DPY19L1: variants seen among roughly 807,000 people sequenced by gnomAD.
DPY19L1 encodes dpy-19 like C-mannosyltransferase 1.
In DPY19L1, 35 loss-of-function variants were observed where a neutral mutation model predicts 96.9. That is an observed-to-expected ratio of 0.36 (90% CI 0.28 to 0.48). The LOEUF (loss-of-function observed/expected upper bound fraction) is 0.48, where lower values mean the gene tolerates loss of function less well. Ranked by LOEUF, DPY19L1 falls within the 20% of genes least tolerant of loss-of-function variation. The pLI is 0.99. For synonymous variants in DPY19L1, 205 were observed against 252.6 expected (o/e 0.81, Z 1.79); for missense variants, 521 against 777.9 (o/e 0.67, Z 3.93).
upstream of DPY19L1, chr7:35,037,858 C>T (rs1456333043): frequency 4.9e-6 from 6 of 1,235,188 alleles, no homozygotes; most frequent in East Asian, 6.3e-5. Flanking sequence ...TGCGAGGACG[C>T]GGGGGCGGAC....
At chr7:35,000,059 C>A (rs13311593) in intron 6 of DPY19L1, among the ~76,000 whole-genome samples, 1 of 152,134 alleles carries the variant, frequency 6.6e-6, no homozygotes, top group Non-Finnish European at 1.5e-5. Context: ...CATGTATATA[C>A]AAAGCAGTGA....
intron 6 of DPY19L1, among the ~76,000 whole-genome samples, chr7:34,992,379 C>CA (rs1049746018): frequency 5.9e-5 from 9 of 151,770 alleles, no homozygotes; most frequent in African/African-American, 2.2e-4. Flanking sequence ...AAAAGCTGTC[C>CA]AAAAAAACAA....
chr7:34,982,585 G>A (rs971982783), intron 7 of DPY19L1, among the ~76,000 whole-genome samples: 3 of 152,224 alleles, frequency 2.0e-5, no homozygotes, highest in Non-Finnish European at 2.9e-5. Context: ...TATAGCCCAA[G>A]TGAAGATACA....
At chr7:34,955,404 T>G (rs1303971080) in intron 11 of DPY19L1, 37 bp from the exon 12 acceptor site, 7 of 1,594,990 alleles carry the variant, frequency 4.4e-6, no homozygotes, top group Non-Finnish European at 6.0e-6. Context: ...ACACAGTTAA[T>G]ACTTATAGAC....
At chr7:34,961,691 C>CAGGACAG (rs1422677221) in intron 10 of DPY19L1, among the ~76,000 whole-genome samples, 1 of 152,022 alleles carries the variant, frequency 6.6e-6, no homozygotes, top group Non-Finnish European at 1.5e-5. Context: ...AAAGACAGGA[C>CAGGACAG]AATGATTGAG....
At chr7:34,990,995 G>T (rs1479956041) in intron 6 of DPY19L1, among the ~76,000 whole-genome samples, 1 of 152,224 alleles carries the variant, frequency 6.6e-6, no homozygotes, top group East Asian at 1.9e-4. Context: ...GATAATCCAT[G>T]TAGGGAGTAT....
chr7:35,008,794 A>C (rs1785630598), intron 6 of DPY19L1, among the ~76,000 whole-genome samples: 1 of 152,172 alleles, frequency 6.6e-6, no homozygotes, highest in South Asian at 2.1e-4. Context: ...TGTAAAATCT[A>C]ATCTCCCAAA....
At chr7:34,943,430 A>G (rs1038862151) in intron 16 of DPY19L1, among the ~76,000 whole-genome samples, 3 of 152,228 alleles carry the variant, frequency 2.0e-5, no homozygotes, top group Admixed American at 6.5e-5. Context: ...TCACAGAGCT[A>G]GTAAGTGGCA....
intron 6 of DPY19L1, among the ~76,000 whole-genome samples, chr7:34,991,148 G>A (rs1785159028): frequency 2.0e-5 from 3 of 152,242 alleles, no homozygotes; most frequent in South Asian, 4.1e-4. Flanking sequence ...GCCACTCGCT[G>A]CCAGAGTGAA....
intron 1 of DPY19L1, among the ~76,000 whole-genome samples, chr7:35,029,347 A>G (rs329261): frequency 1.4e-4 from 22 of 152,372 alleles, no homozygotes; most frequent in African/African-American, 5.3e-4. Flanking sequence ...GAGCATGCAT[A>G]GGGAAGCTGT....
intron 7 of DPY19L1, among the ~76,000 whole-genome samples, chr7:34,985,333 C>T (rs1023345410): frequency 2.6e-5 from 4 of 151,966 alleles, no homozygotes; most frequent in African/African-American, 9.7e-5. Context: ...AATAGGATTG[C>T]GTCAAACTAA....
At chr7:34,988,664 C>CA (rs1289106459) in intron 7 of DPY19L1, among the ~76,000 whole-genome samples, 1 of 152,086 alleles carries the variant, frequency 6.6e-6, no homozygotes, top group African/African-American at 2.4e-5. Context: ...ATACAGCAGG[C>CA]ACTGAGTGTA....
intron 1 of DPY19L1, among the ~76,000 whole-genome samples, chr7:35,018,827 G>T (rs1430619236): frequency 6.6e-6 from 1 of 152,124 alleles, no homozygotes; most frequent in Non-Finnish European, 1.5e-5. Flanking sequence ...ATATATGAAG[G>T]CCTAATATCC....
intron 6 of DPY19L1, among the ~76,000 whole-genome samples, chr7:34,990,524 A>C (rs2128672333): frequency 6.6e-6 from 1 of 152,358 alleles, no homozygotes; most frequent in African/African-American, 2.4e-5. Flanking sequence ...CAATTTATAA[A>C]GTTTTATGTT....
intron 13 of DPY19L1, among the ~76,000 whole-genome samples, chr7:34,950,338 A>T (rs1220828776): frequency 1.3e-5 from 2 of 152,230 alleles, no homozygotes; most frequent in Non-Finnish European, 2.9e-5. Flanking sequence ...ACTTGAGTGA[A>T]GTAGAAATGG....
At chr7:35,031,296 T>C (rs1786254583) in intron 1 of DPY19L1, among the ~76,000 whole-genome samples, 1 of 152,196 alleles carries the variant, frequency 6.6e-6, no homozygotes, top group South Asian at 2.1e-4. Flanking sequence ...AATATATAAG[T>C]AACATTTACA....
Position 35,015,737 on chromosome 7 carries a change from C to T in DPY19L1, c.412-2032G>A, listed in dbSNP as rs556496780. Among the ~76,000 whole-genome samples the T allele has an allele frequency of 5.1e-4, 77 of 152,330 alleles. 1 individual carries two copies. The highest frequency in any genetic ancestry group is 1.8e-3 in the African/African-American group (75 of 41,584). ...GCCTGTGGAGCAGCCACCCTTTCAT[C>T]CCTTTACTTTCTTAAGGTAAACTTC... On this transcript the variant is annotated intron_variant, in intron 3 of 21. Coordinates refer to ENST00000638088, the MANE Select transcript of DPY19L1 (RefSeq NM_001366673.1).
chr7:34,939,057 G>C (rs1783934788), intron 20 of DPY19L1: 3 of 439,674 alleles, frequency 6.8e-6, no homozygotes, highest in Middle Eastern at 1.1e-3. Context: ...ATGCCTGGTA[G>C]AGAAGAGAGC....
At chr7:34,986,736 T>C (rs549717371) in intron 7 of DPY19L1, among the ~76,000 whole-genome samples, 1 of 152,180 alleles carries the variant, frequency 6.6e-6, no homozygotes, top group South Asian at 2.1e-4. Context: ...TTGTAGGTCA[T>C]AAAAATGGTT....
Sources: gnomAD v4.1 joint callset for allele counts (sites outside exome capture counted in the v4.1 genomes callset) on GRCh38, gnomAD v4.1.1 for gene constraint, MANE v1.5 for transcripts, NCBI Gene and HGNC (gene_info 2026-07-23, HGNC 2026-07-21) for gene names.